Variants in PKD1L1 observed in about 807,000 individuals in gnomAD.
The protein encoded by PKD1L1 is polycystin 1 like 1, transient receptor potential channel interacting.
Under a neutral mutation model 323.4 loss-of-function variants are expected in PKD1L1, and 236 were observed. The ratio of observed to expected loss-of-function variants is 0.73; its 90% CI spans 0.66 to 0.81. The LOEUF (loss-of-function observed/expected upper bound fraction) is 0.81. PKD1L1 is among the 40% of genes least tolerant of loss of function. The pLI, the probability that PKD1L1 is intolerant of heterozygous loss-of-function variation, is 0.00. For missense variants in PKD1L1, 3,320 were observed against 3,508.0 expected (o/e 0.95, Z 1.35); for synonymous variants, 1,344 against 1,335.0 (o/e 1.01, Z -0.15).
intron 7 of PKD1L1, among the ~76,000 whole-genome samples, chr7:47,924,890 C>T (rs1033329446): frequency 6.6e-6 from 1 of 152,138 alleles, no homozygotes; most frequent in Non-Finnish European, 1.5e-5. Context: ...ACTGTTCTGG[C>T]AGTATCAGCC....
At chr7:47,957,373 G>C in the PKD1L1 span, 2 of 152,290 alleles carry the variant, frequency 1.3e-5, no homozygotes, top group African/African-American at 2.4e-5. Context: ...AATCGGAAAG[G>C]AGGAAGTTAA....
chr7:47,839,462 C>A lies in PKD1L1; in HGVS notation c.5753G>T (p.Gly1918Val). The A allele has an allele frequency of 6.2e-7, 1 of 1,610,246 alleles. No individual in the cohort carries two copies. Among genetic ancestry groups the A allele is most frequent in the Non-Finnish European group, 8.5e-7 (1 of 1,178,286 alleles). The change falls in exon 36 of 57, where the codon GGA becomes GTA. Residue 1918 changes from glycine (G) to valine (V), a missense_variant. Physicochemically the swap from Gly to Val is moderately radical, Grantham distance 109 (BLOSUM62 -3). Coordinates refer to ENST00000289672, the MANE Select transcript of PKD1L1 (RefSeq NM_138295.5). The surrounding 1 kb of genome is among the most constrained non-coding windows in gnomAD (Gnocchi z 4.3). The part of the protein sequence containing the change: ...VERELTCLQG[G>V]LGFRKLFYCK... ...GGAGCCTACCTTCCGGAAGCCGAGT[C>A]CCCCTTGCAGACAGGTGAGCTCCCG...
chr7:47,937,071 C>T, intron 3 of PKD1L1, 113 bp from the exon 4 acceptor site: 1 of 789,194 alleles, frequency 1.3e-6, no homozygotes, highest in Non-Finnish European at 2.1e-6. Flanking sequence ...TGCTGTGCGC[C>T]CAGCACTGTG....
chr7:47,872,599 T>A (rs1334089495), intron 24 of PKD1L1, among the ~76,000 whole-genome samples: 2 of 152,196 alleles, frequency 1.3e-5, no homozygotes, highest in East Asian at 3.8e-4. Context: ...ATGCTCAACC[T>A]CATCAATTAT....
chr7:47,865,337 G>A (rs1786139660), intron 25 of PKD1L1, 65 bp from the exon 26 acceptor site: 2 of 1,435,628 alleles, frequency 1.4e-6, no homozygotes, highest in African/African-American at 1.4e-5. Context: ...AGCTTGTTTG[G>A]GTTAAAGTTA....
intron 1 of PKD1L1, among the ~76,000 whole-genome samples, chr7:47,944,740 C>A (rs1393469877): frequency 1.3e-5 from 2 of 152,236 alleles, no homozygotes; most frequent in Non-Finnish European, 2.9e-5. Flanking sequence ...TCATGTTTGT[C>A]AGCAGAGATC....
At chr7:47,873,873 T>C (rs759197646) in intron 24 of PKD1L1, 26 bp downstream of exon 24, 1 of 1,539,892 alleles carries the variant, frequency 6.5e-7, no homozygotes, top group Non-Finnish European at 8.9e-7. Flanking sequence ...ATGGCTAGGA[T>C]GTCTGTGTGG....
chr7:47,937,343 G>C lies in PKD1L1; in HGVS notation c.286-385C>G, dbSNP rs555744635. 1.6e-4 allele frequency among the ~76,000 whole-genome samples: 25 copies of C among 152,186 alleles called. 2 individuals carry two copies. The South Asian group carries it at 5.0e-3, about 30-fold the overall frequency. On this transcript the variant is annotated intron_variant, in intron 3 of 56. Transcript: ENST00000289672. ...ACGACATCTAAGCAGAGCTGGAAGA[G>C]GAGGAATGCAGAGCTATGCCGAAGG...
At chr7:47,949,584 T>C (rs1788172514), upstream of PKD1L1, among the ~76,000 whole-genome samples, 2 of 152,020 alleles carry the variant, frequency 1.3e-5, no homozygotes, top group Non-Finnish European at 2.9e-5. Context: ...TTCTCTCCAT[T>C]ACGAAACATT....
Position 47,823,235 on chromosome 7 carries a change from C to A in PKD1L1, c.6855-2049G>T, listed in dbSNP as rs140234243. 4.5e-3 allele frequency among the ~76,000 whole-genome samples: 691 copies of A among 152,212 alleles called. 6 individuals carry two copies. The highest frequency in any genetic ancestry group is 0.016 in the African/African-American group (644 of 41,538). ...CTTTATTAGCTCAGGGAACTCTTTT[C>A]TATTCCTACTTCTAGTCCTAGTTTG... is the stretch of plus-strand genomic sequence containing the variant. On this transcript the variant is annotated intron_variant, in intron 45 of 56. Transcript: ENST00000289672.
intron 26 of PKD1L1, among the ~76,000 whole-genome samples, chr7:47,860,067 T>TA (rs1184099762): frequency 6.6e-6 from 1 of 152,232 alleles, no homozygotes; most frequent in African/African-American, 2.4e-5. Flanking sequence ...TACTTAACTT[T>TA]AAAAAAATAT....
intron 5 of PKD1L1, among the ~76,000 whole-genome samples, chr7:47,931,608 T>C (rs1231047661): frequency 2.0e-5 from 3 of 152,226 alleles, no homozygotes; most frequent in Non-Finnish European, 4.4e-5. Flanking sequence ...TATTAGAAGT[T>C]CATGTTACCC....
At chr7:47,803,126 T>C in intron 53 of PKD1L1, 84 bp downstream of exon 53, 1 of 1,549,380 alleles carries the variant, frequency 6.5e-7, no homozygotes. Flanking sequence ...TGAGAGCAGT[T>C]TGTTTTTCCC....
At position 47,820,961 on chromosome 7, in the gene PKD1L1, T is replaced by C. The variant is rs544243001; in HGVS notation, c.6965+115A>G. ...GGGGGTTTTATTACTACCAGGGAAATGGTGACAATCTTTCCAGTATTTCAT... is the reference window on the plus strand; with the variant it reads ...GGGGGTTTTATTACTACCAGGGAAACGGTGACAATCTTTCCAGTATTTCAT... On this transcript the variant is annotated intron_variant, in intron 46 of 56. Transcript: ENST00000289672. The C allele has an allele frequency of 6.7e-5, 42 of 629,260 alleles. 1 individual carries two copies. In the South Asian group the frequency reaches 9.3e-4, roughly 14 times the overall value. The allele number at this position is 629,260 out of a possible 1,614,324, so 39.0% of individuals were successfully genotyped here.
At chr7:47,834,785 G>A (rs1391681315) in intron 39 of PKD1L1, among the ~76,000 whole-genome samples, 182 bp downstream of exon 39, 1 of 152,038 alleles carries the variant, frequency 6.6e-6, no homozygotes, top group Non-Finnish European at 1.5e-5. Flanking sequence ...TATAAATGTG[G>A]GCAAATAAAA....
At chr7:47,926,381 G>T (rs975725891) in intron 7 of PKD1L1, among the ~76,000 whole-genome samples, 1 of 152,020 alleles carries the variant, frequency 6.6e-6, no homozygotes, top group Admixed American at 6.6e-5. Flanking sequence ...TCTTTGAGTT[G>T]TCCCACCTTT....
chr7:47,927,951 T>C (rs1044279506), intron 7 of PKD1L1, among the ~76,000 whole-genome samples: 3 of 152,194 alleles, frequency 2.0e-5, no homozygotes, highest in Non-Finnish European at 4.4e-5. Context: ...AAGAGCTGAA[T>C]AGATTTGGTC....
chr7:47,944,996 C>G (rs1238204693), intron 1 of PKD1L1, among the ~76,000 whole-genome samples: 1 of 152,158 alleles, frequency 6.6e-6, no homozygotes, highest in Non-Finnish European at 1.5e-5. Context: ...TGCCAAGTTC[C>G]CAGCTCCATA....
intron 21 of PKD1L1, 51 bp from the exon 22 acceptor site, chr7:47,877,682 A>T (rs1230352777): frequency 6.3e-7 from 1 of 1,593,760 alleles, no homozygotes; most frequent in South Asian, 1.1e-5. Flanking sequence ...GAATTACAGC[A>T]GCATAGGAAT....
Sources: gnomAD v4.1 joint callset for allele counts (sites outside exome capture counted in the v4.1 genomes callset) on GRCh38, gnomAD v4.1.1 for gene constraint, Gnocchi (gnomAD v3.1) non-coding constraint, MANE v1.5 for transcripts, NCBI Gene and HGNC (gene_info 2026-07-23, HGNC 2026-07-21) for gene names.